TYW1B: variants seen among roughly 807,000 people sequenced by gnomAD.
TYW1B encodes the protein S-adenosyl-L-methionine-dependent tRNA 4-demethylwyosine synthase TYW1B.
Under a neutral mutation model 86.9 loss-of-function variants are expected in TYW1B, and 73 were observed. That is an observed-to-expected ratio of 0.84 (90% CI 0.70 to 1.02). The LOEUF is 1.02. TYW1B is among the 50% of genes least tolerant of loss of function. TYW1B has a pLI of 0.00. For missense variants in TYW1B, 637 were observed against 827.4 expected, an observed-to-expected ratio of 0.77 and a Z score of 2.82; for synonymous variants, 248 against 292.8, an observed-to-expected ratio of 0.85 and a Z score of 1.56.
chr7:72,772,521 A>T (rs1173903169), intron 7 of TYW1B, among the ~76,000 whole-genome samples: 1 of 152,104 alleles, frequency 6.6e-6, no homozygotes, highest in Non-Finnish European at 1.5e-5. Flanking sequence ...TAGGAACTAC[A>T]TCTTAAACGT....
At chr7:72,711,435 C>G (rs573747579) in intron 10 of TYW1B, among the ~76,000 whole-genome samples, 2 of 138,014 alleles carry the variant, frequency 1.4e-5, no homozygotes, top group Non-Finnish European at 3.1e-5. Flanking sequence ...AACCTGTTAA[C>G]TGTTAAGCAG....
intron 13 of TYW1B, among the ~76,000 whole-genome samples, chr7:72,581,273 T>G (rs1811144022): frequency 1.4e-5 from 2 of 141,572 alleles, no homozygotes; most frequent in South Asian, 5.0e-4. Flanking sequence ...ACTATTTCCT[T>G]TCCTGTTTCT....
At chr7:72,788,647 C>T (rs530996757) in intron 6 of TYW1B, among the ~76,000 whole-genome samples, 1 of 152,124 alleles carries the variant, frequency 6.6e-6, no homozygotes, top group Non-Finnish European at 1.5e-5. Context: ...ATTCTCCTGT[C>T]TCAACCTCCC....
intron 10 of TYW1B, among the ~76,000 whole-genome samples, chr7:72,705,046 G>A (rs781857644): frequency 3.3e-5 from 5 of 152,082 alleles, no homozygotes; most frequent in Admixed American, 6.6e-5. Flanking sequence ...GAATCAGGCC[G>A]TATTTACTTC....
At chr7:72,705,187 AC>A (rs1814583466) in intron 10 of TYW1B, among the ~76,000 whole-genome samples, 1 of 152,170 alleles carries the variant, frequency 6.6e-6, no homozygotes. Flanking sequence ...TTCTGAGCTA[AC>A]TCATACAAGA....
intron 11 of TYW1B, among the ~76,000 whole-genome samples, chr7:72,686,520 A>G (rs1814010368): frequency 6.6e-6 from 1 of 152,184 alleles, no homozygotes; most frequent in Admixed American, 6.6e-5. Flanking sequence ...CGCAGACAGT[A>G]AAAGATCCAT....
intron 7 of TYW1B, among the ~76,000 whole-genome samples, chr7:72,768,334 A>AC (rs1280023133): frequency 2.6e-5 from 4 of 151,704 alleles, no homozygotes; most frequent in African/African-American, 7.3e-5. Flanking sequence ...TCGGCCACTG[A>AC]CCCCCCGAAG....
At chr7:72,796,576 C>T (rs189556175) in intron 6 of TYW1B, among the ~76,000 whole-genome samples, 12 of 150,506 alleles carry the variant, frequency 8.0e-5, no homozygotes, top group Admixed American at 2.7e-4. Flanking sequence ...TAATCTATTA[C>T]GTTCATTAAT....
intron 13 of TYW1B, among the ~76,000 whole-genome samples, chr7:72,613,769 G>C (rs1811996666): frequency 6.6e-6 from 1 of 151,964 alleles, no homozygotes; most frequent in African/African-American, 2.4e-5. Flanking sequence ...CTGAACTGGA[G>C]GGGGAAATGC....
chr7:72,657,473 T>C (rs111855866), intron 11 of TYW1B, among the ~76,000 whole-genome samples: 1 of 151,610 alleles, frequency 6.6e-6, no homozygotes, highest in Admixed American at 6.6e-5. Context: ...GAGAGAGAGA[T>C]ATAGATAACC....
At chr7:72,765,335 A>T (rs1256123533) in intron 7 of TYW1B, among the ~76,000 whole-genome samples, 4 of 152,152 alleles carry the variant, frequency 2.6e-5, no homozygotes, top group African/African-American at 9.7e-5. Flanking sequence ...CTTATTACAG[A>T]TTGTAGCCCC....
Position 72,575,614 on chromosome 7 carries a change from C to A in TYW1B, c.1891G>T (p.Asp631Tyr). The change falls in exon 14 of 14, where the codon GAT becomes TAT. Residue 631 changes from aspartate to tyrosine, a missense_variant. Transcript: ENST00000620995. ...SGGSKTFSAKDYMARTPHWAL... is the reference protein window; with the variant it reads ...SGGSKTFSAKYYMARTPHWAL... ...CAGTGAGGAGTTCTGGCCATATAAT[C>A]CTTTGCGCTGAACGTTTTTGATCCA... is the stretch of plus-strand genomic sequence containing the variant. The A allele has an allele frequency of 6.2e-7, 1 of 1,613,830 alleles. No homozygotes were observed. Among genetic ancestry groups the A allele is most frequent in the African/African-American group, 1.3e-5 (1 of 74,978 alleles).
chr7:72,605,191 C>G (rs1214993635), intron 13 of TYW1B, among the ~76,000 whole-genome samples: 1 of 152,116 alleles, frequency 6.6e-6, no homozygotes, highest in East Asian at 1.9e-4. Flanking sequence ...CGAAGTATTC[C>G]AGGTATGAAT....
chr7:72,758,498 G>A (rs1325016693), intron 7 of TYW1B, among the ~76,000 whole-genome samples: 2 of 151,238 alleles, frequency 1.3e-5, no homozygotes, highest in African/African-American at 4.9e-5. Flanking sequence ...TTTGTTATCT[G>A]GTTCACATAA....
chr7:72,610,297 G>A (rs189175026), intron 13 of TYW1B, among the ~76,000 whole-genome samples: 2 of 152,228 alleles, frequency 1.3e-5, no homozygotes, highest in East Asian at 1.9e-4. Flanking sequence ...CTTATAATCT[G>A]GACTCCATAA....
intron 10 of TYW1B, among the ~76,000 whole-genome samples, chr7:72,697,596 T>C (rs1554451725): frequency 6.6e-6 from 1 of 152,200 alleles, no homozygotes; most frequent in African/African-American, 2.4e-5. Flanking sequence ...GTCTCTATTC[T>C]ATACAGGATA....
At chr7:72,822,728 G>A (rs183130602) in intron 2 of TYW1B, among the ~76,000 whole-genome samples, 57 of 152,262 alleles carry the variant, frequency 3.7e-4, no homozygotes, top group Non-Finnish European at 1.6e-4. Context: ...ATTGAGATGG[G>A]CTGGGCATGG....
At chr7:72,579,235 A>G (rs2129567543) in intron 13 of TYW1B, among the ~76,000 whole-genome samples, 2 of 152,246 alleles carry the variant, frequency 1.3e-5, no homozygotes, top group Middle Eastern at 6.8e-3. Context: ...CAGTTTGAAA[A>G]CTTCTGCACT....
chr7:72,780,979 C>T (rs1271077026), intron 6 of TYW1B, among the ~76,000 whole-genome samples: 2 of 151,582 alleles, frequency 1.3e-5, no homozygotes, highest in African/African-American at 4.8e-5. Context: ...TGTTACATGG[C>T]CTAAACAGAA....
Sources: allele counts gnomAD v4.1 joint callset (sites outside exome capture counted in the v4.1 genomes callset), GRCh38; gene constraint gnomAD v4.1.1; transcripts MANE v1.5; gene names NCBI Gene and HGNC (gene_info 2026-07-23, HGNC 2026-07-21).